Variants in TOX2 observed in about 807,000 individuals in gnomAD.
TOX2 encodes the protein granulosa cell HMG box 1.
Under a neutral mutation model 47.4 loss-of-function variants are expected in TOX2, and 15 were observed. The observed-to-expected ratio is 0.32, with a 90% confidence interval of 0.21 to 0.49. TOX2 has a LOEUF of 0.49. TOX2 is among the 20% of genes least tolerant of loss of function. The pLI, the probability that TOX2 is intolerant of heterozygous loss-of-function variation, is 0.99. For missense variants in TOX2, 622 were observed against 673.1 expected, an observed-to-expected ratio of 0.92 and a Z score of 0.84; for synonymous variants, 290 against 296.6, an observed-to-expected ratio of 0.98 and a Z score of 0.23.
chr20:43,949,261 G>T (rs898290539), intron 1 of TOX2, among the ~76,000 whole-genome samples: 3 of 152,150 alleles, frequency 2.0e-5, no homozygotes, highest in Admixed American at 6.5e-5. Context: ...CTTGCTGCTG[G>T]CTGTACCTTC....
At position 44,056,565 on chromosome 20, in the gene TOX2, C is replaced by A. The variant is rs1163606093; in HGVS notation, c.879+2039C>A. ...GAGGCAAGCAAAGGTGGTTGAGAGT[C>A]CCAGCCCCTGTGTCGGTTTCATTTC... On this transcript the variant is annotated intron_variant, in intron 5 of 8. Transcript: ENST00000341197. Among the ~76,000 whole-genome samples, 3 of 152,156 alleles carry A rather than the reference C, an allele frequency of 2.0e-5. No individual in the cohort carries two copies. In the South Asian group the frequency reaches 6.2e-4, roughly 32 times the overall value.
intron 5 of TOX2, among the ~76,000 whole-genome samples, chr20:44,064,408 G>A (rs1204508242): frequency 6.6e-6 from 1 of 152,208 alleles, no homozygotes; most frequent in Non-Finnish European, 1.5e-5. Flanking sequence ...TGAACAAGTA[G>A]GTTCATTCTA....
At chr20:44,027,603 T>C (rs73908155) in intron 3 of TOX2, among the ~76,000 whole-genome samples, 4,152 of 152,288 alleles carry the variant, frequency 0.027, 199 homozygotes, top group African/African-American at 0.095. Flanking sequence ...TCTGCCCCAT[T>C]TGGAGATCCT....
intron 2 of TOX2, among the ~76,000 whole-genome samples, chr20:43,988,967 C>G (rs1164568655): frequency 1.3e-5 from 2 of 152,162 alleles, no homozygotes; most frequent in African/African-American, 2.4e-5. Flanking sequence ...TCTCAGAGGT[C>G]AAGGACTCCC....
chr20:43,973,264 C>G lies in TOX2; in HGVS notation c.100-103C>G, dbSNP rs1320612679. 16 of 1,134,640 alleles carry G rather than the reference C, an allele frequency of 1.4e-5. No homozygotes were observed. The East Asian group carries it at 3.6e-4, about 26-fold the overall frequency. The allele number at this position is 1,134,640 out of a possible 1,614,324, so 70.3% of individuals were successfully genotyped here. ...TCTGATTTGCCTTCTGCAGCTCCCA[C>G]AGTCCCCTGCAGTCAGTCCCCTGCC... is the stretch of plus-strand genomic sequence containing the variant. On this transcript the variant is annotated intron_variant, in intron 1 of 8. Transcript: ENST00000341197.
At chr20:43,965,406 A>G (rs371612186) in intron 1 of TOX2, among the ~76,000 whole-genome samples, 22 of 152,316 alleles carry the variant, frequency 1.4e-4, no homozygotes, top group African/African-American at 4.6e-4. Flanking sequence ...CATCTTCTCC[A>G]AAGGACTGGG....
Position 44,066,710 on chromosome 20 carries a change from T to C in TOX2, c.1357-20T>C. Reference sequence around the variant, plus strand: ...CCTCATCTCTCCTTGGCTCATGGCCTCCTCCTTCCCACTCTGTAGGACTTC... The same window carrying C: ...CCTCATCTCTCCTTGGCTCATGGCCCCCTCCTTCCCACTCTGTAGGACTTC... On this transcript the variant is annotated intron_variant, in intron 7 of 8. Coordinates refer to ENST00000341197, the MANE Select transcript of TOX2 (RefSeq NM_001098797.2). 1 of 1,613,980 alleles carries C rather than the reference T, an allele frequency of 6.2e-7. No homozygotes were observed.
chr20:44,040,616 T>A (rs6031313), intron 3 of TOX2, among the ~76,000 whole-genome samples: 8,373 of 152,248 alleles, frequency 0.055, 542 homozygotes, highest in African/African-American at 0.15. Context: ...TAGTTGTGAT[T>A]AAATGAGTCA....
At chr20:43,994,271 C>T (rs1458096657) in intron 2 of TOX2, among the ~76,000 whole-genome samples, 3 of 151,196 alleles carry the variant, frequency 2.0e-5, no homozygotes, top group Non-Finnish European at 4.4e-5. Flanking sequence ...TTGAGACCAG[C>T]CTGGGCAGCA....
At position 44,066,716 on chromosome 20, in the gene TOX2, T is replaced by TTCCCA. The variant is rs2071828855; in HGVS notation, c.1357-13_1357-9dup. 1 of 1,613,936 alleles carries TTCCCA rather than the reference T, an allele frequency of 6.2e-7. No homozygotes were observed. The highest frequency in any genetic ancestry group is 1.7e-5 in the Admixed American group (1 of 60,002). On this transcript the variant is annotated splice_polypyrimidine_tract_variant and intron_variant, in intron 7 of 8. Coordinates refer to ENST00000341197, the MANE Select transcript of TOX2 (RefSeq NM_001098797.2). ...CTCTCCTTGGCTCATGGCCTCCTCCTTCCCACTCTGTAGGACTTCCCGCAC... is the reference window on the plus strand; with the variant it reads ...CTCTCCTTGGCTCATGGCCTCCTCCTTCCCATCCCACTCTGTAGGACTTCCCGCAC...
intron 2 of TOX2, among the ~76,000 whole-genome samples, chr20:44,005,948 AAAAC>A: frequency 6.6e-6 from 1 of 152,188 alleles, no homozygotes; most frequent in South Asian, 2.1e-4. Context: ...TGGGAAAAAA[AAAAC>A]AAGGAAGGAC....
At chr20:43,996,121 A>T (rs761555250) in intron 2 of TOX2, among the ~76,000 whole-genome samples, 2 of 152,030 alleles carry the variant, frequency 1.3e-5, no homozygotes, top group Non-Finnish European at 2.9e-5. Flanking sequence ...ACTAATTTAC[A>T]CTCCTACCAA....
intron 3 of TOX2, 108 bp downstream of exon 3, chr20:44,006,900 A>G (rs2070694192): frequency 1.4e-6 from 2 of 1,450,120 alleles, no homozygotes; most frequent in Non-Finnish European, 1.8e-6. Flanking sequence ...GCTCATGGGC[A>G]GGGTCTGGGT....
At chr20:43,951,881 A>G (rs2069580192) in intron 1 of TOX2, among the ~76,000 whole-genome samples, 1 of 84,584 alleles carries the variant, frequency 1.2e-5, no homozygotes, top group Non-Finnish European at 2.4e-5. Flanking sequence ...CTAATTAAAA[A>G]TAATTTTTTG....
At position 44,069,302 on chromosome 20, in the gene TOX2, CA is replaced by C. The variant is rs1367567567; in HGVS notation, c.*620del. The stretch of plus-strand genomic sequence containing the variant: ...AGTTTTATCTTAAGGGAGACGCGCA[CA>C]AAAGCGGCTGCCAAACCGTTTCGTC... On this transcript the variant is annotated 3_prime_UTR_variant, in exon 9 of 9. Coordinates refer to ENST00000341197, the MANE Select transcript of TOX2 (RefSeq NM_001098797.2). 2 of 176,192 alleles carry C rather than the reference CA, an allele frequency of 1.1e-5. No individual in the cohort carries two copies. Among genetic ancestry groups the C allele is most frequent in the African/African-American group, 2.4e-5 (1 of 41,946 alleles). The allele number at this position is 176,192 out of a possible 1,614,324, so 10.9% of individuals were successfully genotyped here. A position where few individuals can be genotyped will look rare whatever the true frequency, so the allele number is the denominator to read the frequency against.
At position 44,029,410 on chromosome 20, in the gene TOX2, TCA is replaced by T. The variant is rs538142529; in HGVS notation, c.412-21895_412-21894del. On this transcript the variant is annotated intron_variant, in intron 3 of 8. Transcript: ENST00000341197. ...CTCTGCCCTCAATAGTGAAAAGAGC[TCA>T]AACTTTGGGGTCAGACAGACCTGGG... Among the ~76,000 whole-genome samples, 82 of 152,190 alleles carry T rather than the reference TCA, an allele frequency of 5.4e-4. 1 individual carries two copies. Among genetic ancestry groups the T allele is most frequent in the African/African-American group, 1.8e-3 (76 of 41,496 alleles).
At chr20:43,945,798 C>G in intron 1 of TOX2, 1 of 1,439,402 alleles carries the variant, frequency 6.9e-7, no homozygotes, top group Non-Finnish European at 9.5e-7. Flanking sequence ...TCACCTTATA[C>G]GAATGGGATG....
At chr20:44,030,808 A>G (rs554325030) in intron 3 of TOX2, among the ~76,000 whole-genome samples, 52 of 152,314 alleles carry the variant, frequency 3.4e-4, no homozygotes, top group African/African-American at 1.2e-3. Context: ...GAAAAATCCT[A>G]AGAACAAGAG....
intron 1 of TOX2, among the ~76,000 whole-genome samples, chr20:43,961,301 G>C (rs1055812264): frequency 1.3e-5 from 2 of 152,222 alleles, no homozygotes; most frequent in African/African-American, 4.8e-5. Flanking sequence ...TGTGATCTGG[G>C]CAGGGGGCTT....
Sources: gnomAD v4.1 joint callset for allele counts (sites outside exome capture counted in the v4.1 genomes callset) on GRCh38, gnomAD v4.1.1 for gene constraint, MANE v1.5 for transcripts, NCBI Gene and HGNC (gene_info 2026-07-23, HGNC 2026-07-21) for gene names.